MDK: variants seen among roughly 807,000 people sequenced by gnomAD.
MDK encodes the protein amphiregulin-associated protein.
Under a neutral mutation model 18.9 loss-of-function variants are expected in MDK, and 17 were observed. The ratio of observed to expected loss-of-function variants is 0.90; its 90% CI spans 0.62 to 1.35. The LOEUF is 1.35. Ranked by LOEUF, MDK falls within the 40% of genes most tolerant of loss-of-function variation. The pLI is 0.00. For synonymous variants in MDK, 86 were observed against 74.3 expected, an observed-to-expected ratio of 1.16 and a Z score of -0.81; for missense variants, 180 against 186.3, an observed-to-expected ratio of 0.97 and a Z score of 0.20.
intron 4 of MDK, 152 bp downstream of exon 4, chr11:46,382,900 A>G (rs878944489): frequency 1.1e-6 from 1 of 913,334 alleles, no homozygotes; most frequent in South Asian, 1.6e-5. Flanking sequence ...TGCCTGGAAA[A>G]GTCTGAAGAT....
At chr11:46,382,848 T>C (rs758803646) in intron 4 of MDK, 100 bp downstream of exon 4, 123 of 1,365,412 alleles carry the variant, frequency 9.0e-5, no homozygotes, top group Non-Finnish European at 1.2e-4. Context: ...AAGTTTTGAG[T>C]CCTGGCCAGT....
chr11:46,383,027 C>A, intron 4 of MDK: 1 of 522,298 alleles, frequency 1.9e-6, no homozygotes, highest in Non-Finnish European at 3.5e-6. Flanking sequence ...GGGAGAGTGT[C>A]CTGGAACGGC....
Position 46,382,605 on chromosome 11 carries a change from T to C in MDK, c.263T>C (p.Phe88Ser). Residue 88 changes from phenylalanine (F) to serine (S), a missense_variant, in exon 4 of 5, where the codon TTT becomes TCT. Transcript: ENST00000395566. ...TCGCCAGCCGACTGCAAGTACAAGT[T>C]TGAGAACTGGGGTGCGTGTGATGGG... is the stretch of plus-strand genomic sequence containing the variant. ...KEFGADCKYK[F>S]ENWGACDGGT... 1 of 1,611,772 alleles carries C rather than the reference T, an allele frequency of 6.2e-7. No homozygotes were observed. The highest frequency in any genetic ancestry group is 1.3e-5 in the African/African-American group (1 of 74,974).
rs745549795 is a variant in MDK, at chr11:46,382,674, G to A, written c.332G>A (p.Arg111His). The change falls in exon 4 of 5, where the codon CGC becomes CAC. Residue 111 changes from arginine (R) to histidine (H), a missense_variant. Arg to His is a conservative substitution (Grantham distance 29, BLOSUM62 0). Transcript: ENST00000395566. Reference sequence around the variant, plus strand: ...CGCCAAGGCACCCTGAAGAAGGCGCGCTACAATGCTCAGTGCCAGGAGACC... The same window carrying A: ...CGCCAAGGCACCCTGAAGAAGGCGCACTACAATGCTCAGTGCCAGGAGACC... ...KVRQGTLKKARYNAQCQETIR... is the reference protein window; with the variant it reads ...KVRQGTLKKAHYNAQCQETIR... 1 of 1,612,726 alleles carries A rather than the reference G, an allele frequency of 6.2e-7. No homozygotes were observed. Among genetic ancestry groups the A allele is most frequent in the South Asian group, 1.1e-5 (1 of 91,034 alleles).
chr11:46,382,884 C>T, intron 4 of MDK, 136 bp downstream of exon 4: 6 of 1,024,010 alleles, frequency 5.9e-6, no homozygotes, highest in Non-Finnish European at 8.7e-6. Context: ...CCTCACTTGG[C>T]TTCCCTGCCT....
At position 46,383,692 on chromosome 11, in the gene MDK, G is replaced by T. The variant is rs1469226552; in HGVS notation, c.*198G>T. On this transcript the variant is annotated 3_prime_UTR_variant, in exon 5 of 5. Coordinates refer to ENST00000395566, the MANE Select transcript of MDK (RefSeq NM_002391.6). The stretch of plus-strand genomic sequence containing the variant: ...AAGTGGGGAGGGACAAGGGATTCTG[G>T]GAAGCTTGAGCCTCCCCCAAAGCAA... 2 of 689,772 alleles carry T rather than the reference G, an allele frequency of 2.9e-6. No homozygotes were observed. The highest frequency in any genetic ancestry group is 2.7e-6 in the Non-Finnish European group (1 of 376,624). 42.7% of individuals were successfully genotyped at this position (689,772 alleles called of 1,614,324 possible).
In MDK at chr11:46,382,581, C is replaced by G; in HGVS notation, c.245-6C>G. The stretch of plus-strand genomic sequence containing the variant: ...GCAGCGCTGACCTGGGCCGCTCTCT[C>G]GCCAGCCGACTGCAAGTACAAGTTT... On this transcript the variant is annotated splice_polypyrimidine_tract_variant and splice_region_variant and intron_variant, in intron 3 of 4. Transcript: ENST00000395566. 1 of 1,605,816 alleles carries G rather than the reference C, an allele frequency of 6.2e-7. No homozygotes were observed. Among genetic ancestry groups the G allele is most frequent in the Admixed American group, 1.7e-5 (1 of 59,430 alleles).
Position 46,382,762 on chromosome 11 carries a change from G to A in MDK, c.406+14G>A, listed in dbSNP as rs759797810. 1 of 1,523,158 alleles carries A rather than the reference G, an allele frequency of 6.6e-7. No homozygotes were observed. The highest frequency in any genetic ancestry group is 2.6e-5 in the East Asian group (1 of 37,800). 94.4% of individuals were successfully genotyped at this position (1,523,158 alleles called of 1,614,324 possible). A position where few individuals can be genotyped will look rare whatever the true frequency, so the allele number is the denominator to read the frequency against. On this transcript the variant is annotated intron_variant, in intron 4 of 4. Coordinates refer to ENST00000395566, the MANE Select transcript of MDK (RefSeq NM_002391.6). ...CAAAGGCCAAAGGTCAGCGAAAGGA[G>A]AAGGGGGTGGGGCTGTCGCGGGGGG...
chr11:46,382,114 C>G lies in MDK; in HGVS notation c.57C>G (p.Ser19=). 1.2e-6 allele frequency: 2 copies of G among 1,611,142 alleles called. No individual in the cohort carries two copies. The highest frequency in any genetic ancestry group is 1.7e-6 in the Non-Finnish European group (2 of 1,179,246). Residue 19 remains serine (S), a synonymous_variant, in exon 2 of 5, where the codon TCC becomes TCG. Coordinates refer to ENST00000395566, the MANE Select transcript of MDK (RefSeq NM_002391.6). The part of the protein sequence containing the change: ...LTLLALLALT[S]AVAKKKDKVK... Reference sequence around the variant, plus strand: ...TCCTCGCCCTGCTGGCGCTCACCTCCGCGGTCGCCAAAAAGAAAGGTGATG... The same window carrying G: ...TCCTCGCCCTGCTGGCGCTCACCTCGGCGGTCGCCAAAAAGAAAGGTGATG...
At chr11:46,383,159 C>T in intron 4 of MDK, 1 of 417,054 alleles carries the variant, frequency 2.4e-6, no homozygotes, top group African/African-American at 2.0e-5. Context: ...CCCAGCGAGG[C>T]CAGCAGGGCA....
At chr11:46,383,078 A>C (rs1320971878) in intron 4 of MDK, 1 of 456,228 alleles carries the variant, frequency 2.2e-6, no homozygotes, top group African/African-American at 2.0e-5. Flanking sequence ...GCATTTGGTC[A>C]GCTCTGCCCT....
At position 46,382,801 on chromosome 11, in the gene MDK, C is replaced by CCCG. The variant is rs1565101832; in HGVS notation, c.406+55_406+56insGCC. The CCCG allele has an allele frequency of 1.0e-5, 16 of 1,524,010 alleles. No homozygotes were observed. In the South Asian group the frequency reaches 1.8e-4, roughly 17 times the overall value. The allele number at this position is 1,524,010 out of a possible 1,614,324, so 94.4% of individuals were successfully genotyped here. A position where few individuals can be genotyped will look rare whatever the true frequency, so the allele number is the denominator to read the frequency against. ...TGTCGCGGGGGGCTGCCCCCCCCCCCCCCCGCCTGTGAGGGGACAATTCCA... is the reference window on the plus strand; with the variant it reads ...TGTCGCGGGGGGCTGCCCCCCCCCCCCCGCCCCGCCTGTGAGGGGACAATTCCA... On this transcript the variant is annotated intron_variant, in intron 4 of 4. Transcript: ENST00000395566.
chr11:46,381,857 G>C (rs969613549), intron 1 of MDK, 99 bp downstream of exon 1: 12 of 575,506 alleles, frequency 2.1e-5, no homozygotes, highest in Admixed American at 6.3e-5. Context: ...CTGGGCTCGA[G>C]GCGTCCCCCG....
intron 1 of MDK, 103 bp downstream of exon 1, chr11:46,381,861 T>A: frequency 3.5e-6 from 2 of 573,834 alleles, no homozygotes; most frequent in South Asian, 4.4e-5. Flanking sequence ...GCTCGAGGCG[T>A]CCCCCGGGGA....
rs745717868 is a variant in MDK at position 46,383,554 on chromosome 11, C to T, written c.*60C>T. ...CACATGGGGCCTGGCCCACGCCCTC[C>T]CTCTCCCAGGCCCGAGATGTGACCC... is the stretch of plus-strand genomic sequence containing the variant. On this transcript the variant is annotated 3_prime_UTR_variant, in exon 5 of 5. Coordinates refer to ENST00000395566, the MANE Select transcript of MDK (RefSeq NM_002391.6). 1 of 1,516,358 alleles carries T rather than the reference C, an allele frequency of 6.6e-7. No homozygotes were observed. The highest frequency in any genetic ancestry group is 1.7e-5 in the Admixed American group (1 of 59,916). 93.9% of individuals were successfully genotyped at this position (1,516,358 alleles called of 1,614,324 possible). A position where few individuals can be genotyped will look rare whatever the true frequency, so the allele number is the denominator to read the frequency against.
chr11:46,382,254 C>G, intron 2 of MDK, 40 bp from the exon 3 acceptor site: 1 of 1,603,738 alleles, frequency 6.2e-7, no homozygotes, highest in Non-Finnish European at 8.5e-7. Context: ...GGGAGTCTCC[C>G]CGTGCCCCAG....
chr11:46,382,220 G>A, intron 2 of MDK, 74 bp from the exon 3 acceptor site: 1 of 1,604,566 alleles, frequency 6.2e-7, no homozygotes, highest in Admixed American at 1.7e-5. Context: ...TCCTAGCCTG[G>A]AACCCCAGGA....
rs1487132980 is a variant in MDK, at chr11:46,383,715, C to T, written c.*221C>T. On this transcript the variant is annotated 3_prime_UTR_variant, in exon 5 of 5. Coordinates refer to ENST00000395566, the MANE Select transcript of MDK (RefSeq NM_002391.6). ...TGGGAAGCTTGAGCCTCCCCCAAAG[C>T]AATGTGAGTCCCAGAGCCCGCTTTT... is the stretch of plus-strand genomic sequence containing the variant. 6.0e-6 allele frequency: 4 copies of T among 670,518 alleles called. No homozygotes were observed. The highest frequency in any genetic ancestry group is 3.5e-5 in the African/African-American group (2 of 56,568). 41.5% of individuals were successfully genotyped at this position (670,518 alleles called of 1,614,324 possible).
At position 46,382,729 on chromosome 11, in the gene MDK, G is replaced by A. The variant is rs945496975; in HGVS notation, c.387G>A (p.Lys129=). Residue 129 remains lysine, a synonymous_variant, in exon 4 of 5, where the codon AAG becomes AAA. Coordinates refer to ENST00000395566, the MANE Select transcript of MDK (RefSeq NM_002391.6). The part of the protein sequence containing the change: ...TIRVTKPCTP[K]TKAKAKAKKG... ...GCGTCACCAAGCCCTGCACCCCCAA[G>A]ACCAAAGCAAAGGCCAAAGGTCAGC... 1 of 1,549,678 alleles carries A rather than the reference G, an allele frequency of 6.5e-7. No homozygotes were observed. Among genetic ancestry groups the A allele is most frequent in the Non-Finnish European group, 8.7e-7 (1 of 1,150,240 alleles).
Sources: gnomAD v4.1 joint callset for allele counts on GRCh38, gnomAD v4.1.1 for gene constraint, MANE v1.5 for transcripts, NCBI Gene and HGNC (gene_info 2026-07-23, HGNC 2026-07-21) for gene names.